RBM38: variants seen among roughly 807,000 people sequenced by gnomAD.
The protein encoded by RBM38 is RNA-binding protein 38.
Under a neutral mutation model 23.5 loss-of-function variants are expected in RBM38, and 11 were observed. That is an observed-to-expected ratio of 0.47 (90% CI 0.29 to 0.77). The LOEUF is 0.77. RBM38 is among the 30% of genes least tolerant of loss of function. RBM38 has a pLI of 0.08. For missense variants in RBM38, 330 were observed against 351.9 expected (o/e 0.94, Z 0.50); for synonymous variants, 165 against 166.1 (o/e 0.99, Z 0.05).
At chr20:57,403,114 G>T (rs1010678020) in intron 3 of RBM38, among the ~76,000 whole-genome samples, 1 of 152,166 alleles carries the variant, frequency 6.6e-6, no homozygotes, top group African/African-American at 2.4e-5. Flanking sequence ...GTTGTCAGTT[G>T]TGACAACTAG....
At chr20:57,397,147 C>A (rs74987414) in intron 3 of RBM38, among the ~76,000 whole-genome samples, 6,126 of 152,314 alleles carry the variant, frequency 0.04, 164 homozygotes, top group African/African-American at 0.085. Flanking sequence ...TGAGAACGGT[C>A]ACACTGCCTT....
At chr20:57,403,771 G>T (rs955524916) in intron 3 of RBM38, among the ~76,000 whole-genome samples, 1 of 152,126 alleles carries the variant, frequency 6.6e-6, no homozygotes, top group African/African-American at 2.4e-5. Context: ...ACAGGCTCCC[G>T]CCACCACACC....
intron 3 of RBM38, among the ~76,000 whole-genome samples, chr20:57,397,413 T>A (rs995971082): frequency 1.3e-5 from 2 of 152,206 alleles, no homozygotes; most frequent in African/African-American, 4.8e-5. Flanking sequence ...AGCTCTTGGA[T>A]GATTCAGAGC....
At chr20:57,404,628 T>G (rs1286920772) in intron 3 of RBM38, among the ~76,000 whole-genome samples, 1 of 152,166 alleles carries the variant, frequency 6.6e-6, no homozygotes, top group Non-Finnish European at 1.5e-5. Flanking sequence ...CAGTGGGGTC[T>G]GTGCCACCCA....
At chr20:57,402,093 A>G (rs1254389776) in intron 3 of RBM38, among the ~76,000 whole-genome samples, 1 of 151,984 alleles carries the variant, frequency 6.6e-6, no homozygotes, top group African/African-American at 2.4e-5. Flanking sequence ...GATTACAGGC[A>G]CGCACCACCA....
chr20:57,394,300 G>T (rs1448504872), intron 3 of RBM38, among the ~76,000 whole-genome samples: 3 of 150,396 alleles, frequency 2.0e-5, no homozygotes, highest in Non-Finnish European at 4.5e-5. Context: ...AGGATCCTGT[G>T]GAACCCGGCT....
intron 3 of RBM38, among the ~76,000 whole-genome samples, chr20:57,393,537 G>A (rs2067242856): frequency 6.6e-6 from 1 of 152,222 alleles, no homozygotes; most frequent in South Asian, 2.1e-4. Flanking sequence ...GAGCCTTGGA[G>A]CCTGCCTGCC....
At chr20:57,404,541 C>G (rs2067362310) in intron 3 of RBM38, among the ~76,000 whole-genome samples, 1 of 152,230 alleles carries the variant, frequency 6.6e-6, no homozygotes, top group African/African-American at 2.4e-5. Context: ...TGTCTCCACT[C>G]GCCCCCTTCC....
intron 3 of RBM38, among the ~76,000 whole-genome samples, chr20:57,396,218 C>G (rs2067273874): frequency 1.3e-5 from 2 of 152,362 alleles, no homozygotes; most frequent in Non-Finnish European, 1.5e-5. Context: ...CCTAACTCAC[C>G]TGTGCATTTC....
chr20:57,398,957 CT>C (rs1568809058), intron 3 of RBM38, among the ~76,000 whole-genome samples: 1 of 152,210 alleles, frequency 6.6e-6, no homozygotes, highest in Admixed American at 6.5e-5. Flanking sequence ...GAGCTGGACA[CT>C]GGGTCAGCTT....
rs529816526 is a variant in RBM38 at position 57,403,901 on chromosome 20, T to A, written c.417-3642T>A. Among the ~76,000 whole-genome samples, 7 of 152,350 alleles carry A rather than the reference T, an allele frequency of 4.6e-5. No homozygotes were observed. The South Asian group carries it at 1.5e-3, about 32-fold the overall frequency. On this transcript the variant is annotated intron_variant, in intron 3 of 3. Coordinates refer to ENST00000356208, the MANE Select transcript of RBM38 (RefSeq NM_017495.6). ...TTCCAAAGTGCTGGGATTACAGGCG[T>A]GAGCCACTGCGCCCAGCCTTCCGTG...
chr20:57,394,809 T>G (rs1056618336), intron 3 of RBM38, among the ~76,000 whole-genome samples: 3 of 152,002 alleles, frequency 2.0e-5, no homozygotes, highest in Non-Finnish European at 1.5e-5. Context: ...CCTGGGGGCA[T>G]GGACTGGGCG....
At chr20:57,402,096 C>T (rs374443912) in intron 3 of RBM38, among the ~76,000 whole-genome samples, 4 of 152,026 alleles carry the variant, frequency 2.6e-5, no homozygotes, top group East Asian at 1.9e-4. Flanking sequence ...TACAGGCACG[C>T]ACCACCACGC....
At chr20:57,400,142 G>C (rs2067313045) in intron 3 of RBM38, among the ~76,000 whole-genome samples, 1 of 152,164 alleles carries the variant, frequency 6.6e-6, no homozygotes, top group Non-Finnish European at 1.5e-5. Context: ...TTACAGATGG[G>C]GAAACAGAGG....
At chr20:57,405,088 CTCA>C (rs2067368051) in intron 3 of RBM38, among the ~76,000 whole-genome samples, 2 of 152,236 alleles carry the variant, frequency 1.3e-5, no homozygotes, top group Admixed American at 6.5e-5. Flanking sequence ...CCAGCTCTGC[CTCA>C]TCATTAGGTC....
chr20:57,399,827 A>G, intron 3 of RBM38: 1 of 454,060 alleles, frequency 2.2e-6, no homozygotes, highest in South Asian at 1.6e-5. Flanking sequence ...GGGAGTCAGA[A>G]CCCTAAGAGC....
chr20:57,396,475 G>T (rs1200763508), intron 3 of RBM38, among the ~76,000 whole-genome samples: 2 of 152,216 alleles, frequency 1.3e-5, no homozygotes, highest in Non-Finnish European at 2.9e-5. Flanking sequence ...TTCTTGGGCT[G>T]AGGGCACCGG....
intron 2 of RBM38, 95 bp from the exon 3 acceptor site, chr20:57,393,184 G>A (rs2067238814): frequency 8.5e-7 from 1 of 1,178,726 alleles, no homozygotes; most frequent in East Asian, 2.3e-5. Flanking sequence ...TTTGACTAGA[G>A]GTGTGTGGCT....
chr20:57,398,120 G>A (rs1197504776), intron 3 of RBM38, among the ~76,000 whole-genome samples: 2 of 152,230 alleles, frequency 1.3e-5, no homozygotes, highest in Non-Finnish European at 2.9e-5. Context: ...ACTCTGATGT[G>A]CCCTTGGGGG....
Sources: allele counts gnomAD v4.1 joint callset (sites outside exome capture counted in the v4.1 genomes callset), GRCh38; gene constraint gnomAD v4.1.1; transcripts MANE v1.5; gene names NCBI Gene and HGNC (gene_info 2026-07-23, HGNC 2026-07-21).